Variants in CSMD2 observed in about 807,000 individuals in gnomAD.
CSMD2 encodes the protein CUB and Sushi multiple domains 2.
Under a neutral mutation model 398.5 loss-of-function variants are expected in CSMD2, and 130 were observed. That is an observed-to-expected ratio of 0.33 (90% CI 0.28 to 0.38). CSMD2 has a LOEUF of 0.38. Among genes scored for constraint, CSMD2 ranks in the 10% least tolerant of loss-of-function variants. CSMD2 has a pLI of 1.00. For synonymous variants in CSMD2, 1,828 were observed against 1,908.5 expected (o/e 0.96, Z 1.10); for missense variants, 3,829 against 4,764.9 (o/e 0.80, Z 5.78).
At chr1:33,746,425 T>C (rs929684204) in intron 13 of CSMD2, among the ~76,000 whole-genome samples, 1 of 152,170 alleles carries the variant, frequency 6.6e-6, no homozygotes, top group African/African-American at 2.4e-5. Context: ...CAAATAAATT[T>C]GCTGCAGAGG....
chr1:33,879,686 T>C (rs991367480), intron 5 of CSMD2, among the ~76,000 whole-genome samples: 2 of 152,216 alleles, frequency 1.3e-5, no homozygotes, highest in African/African-American at 4.8e-5. Context: ...ATCATGAGCA[T>C]TGGTTTTAGA....
intron 3 of CSMD2, among the ~76,000 whole-genome samples, chr1:33,948,312 C>T (rs992202803): frequency 1.3e-5 from 2 of 152,184 alleles, no homozygotes; most frequent in African/African-American, 2.4e-5. Flanking sequence ...CTACCCTCTG[C>T]CTTCTGCCCT....
chr1:34,008,434 T>C (rs759798896), intron 3 of CSMD2, among the ~76,000 whole-genome samples: 12 of 152,186 alleles, frequency 7.9e-5, no homozygotes, highest in Non-Finnish European at 1.5e-4. Context: ...CAAAGTACTG[T>C]GGATGGGCAG....
At chr1:33,539,988 C>T (rs1375817957) in intron 60 of CSMD2, among the ~76,000 whole-genome samples, 1 of 152,120 alleles carries the variant, frequency 6.6e-6, no homozygotes, top group Non-Finnish European at 1.5e-5. Context: ...ATGGAGAAAA[C>T]CTTCCAGAGC....
chr1:34,046,815 G>A (rs1452287992), intron 2 of CSMD2, among the ~76,000 whole-genome samples: 1 of 152,100 alleles, frequency 6.6e-6, no homozygotes, highest in African/African-American at 2.4e-5. Context: ...TGCCTAAGAC[G>A]TGGACTCACT....
At chr1:33,567,487 A>C in intron 53 of CSMD2, 106 bp downstream of exon 53, 4 of 687,146 alleles carry the variant, frequency 5.8e-6, no homozygotes, top group East Asian at 3.4e-5. Context: ...TCATATATAT[A>C]TATATATATT....
chr1:33,616,101 C>G (rs1641366092), intron 39 of CSMD2, among the ~76,000 whole-genome samples: 1 of 152,192 alleles, frequency 6.6e-6, no homozygotes, highest in African/African-American at 2.4e-5. Flanking sequence ...CCTAACTGGA[C>G]CAGAAGCTTC....
At chr1:33,767,528 AG>A (rs1229092768) in intron 13 of CSMD2, among the ~76,000 whole-genome samples, 3 of 152,194 alleles carry the variant, frequency 2.0e-5, no homozygotes, top group Admixed American at 2.0e-4. Context: ...TCATCCCCAA[AG>A]GCCCTTCAGT....
intron 44 of CSMD2, among the ~76,000 whole-genome samples, chr1:33,594,292 T>A (rs952368713): frequency 3.3e-5 from 5 of 152,220 alleles, no homozygotes; most frequent in African/African-American, 1.2e-4. Context: ...CTTGAATCCC[T>A]GCAAATAACA....
At chr1:33,760,488 C>A (rs1293700190) in intron 13 of CSMD2, among the ~76,000 whole-genome samples, 1 of 152,186 alleles carries the variant, frequency 6.6e-6, no homozygotes, top group African/African-American at 2.4e-5. Flanking sequence ...ATATACGTAG[C>A]CAGACCAAGC....
At chr1:33,805,918 A>T (rs1371708848) in intron 10 of CSMD2, among the ~76,000 whole-genome samples, 2 of 152,040 alleles carry the variant, frequency 1.3e-5, no homozygotes, top group Admixed American at 6.6e-5. Flanking sequence ...CAGTAGCCTG[A>T]GTAGACTACA....
At chr1:33,627,733 T>C (rs1375555220) in intron 32 of CSMD2, among the ~76,000 whole-genome samples, 2 of 152,204 alleles carry the variant, frequency 1.3e-5, no homozygotes, top group Non-Finnish European at 1.5e-5. Context: ...CCAGCTAACA[T>C]GTAGCTGCCA....
At chr1:33,584,917 T>C (rs1638975034) in intron 46 of CSMD2, among the ~76,000 whole-genome samples, 1 of 152,068 alleles carries the variant, frequency 6.6e-6, no homozygotes, top group African/African-American at 2.4e-5. Flanking sequence ...GATTCGTTAT[T>C]TCGTCATCAC....
intron 5 of CSMD2, among the ~76,000 whole-genome samples, chr1:33,861,755 T>C (rs867433983): frequency 6.6e-6 from 1 of 152,060 alleles, no homozygotes; most frequent in Non-Finnish European, 1.5e-5. Context: ...AAGTAGAGTT[T>C]TACCACCCTA....
At position 33,747,801 on chromosome 1, in the gene CSMD2, A is replaced by T. The variant is rs964329456; in HGVS notation, c.1847-4195T>A. 3.3e-5 allele frequency among the ~76,000 whole-genome samples: 5 copies of T among 152,338 alleles called. No individual in the cohort carries two copies. In the South Asian group the frequency reaches 8.3e-4, roughly 25 times the overall value. Reference sequence around the variant, plus strand: ...TAGAAGAGTGCTGTAATTTATCAATATAAGTCTCAAATATTCCTATTTAAT... The same window carrying T: ...TAGAAGAGTGCTGTAATTTATCAATTTAAGTCTCAAATATTCCTATTTAAT... On this transcript the variant is annotated intron_variant, in intron 13 of 70. Coordinates refer to ENST00000373381, the MANE Select transcript of CSMD2 (RefSeq NM_001281956.2).
rs748886122 is a variant in CSMD2, at chr1:33,743,408, G to C, written c.2045C>G (p.Ala682Gly). ...LVIKDGATAE[A>G]PVLGTFSGNQ... ...TCCTGAGAAGGTGCCCAGGACGGGC[G>C]CCTCGGCGGTGGCCCCATCCTTGAT... The change falls in exon 14 of 71, where the codon GCG becomes GGG. Residue 682 changes from alanine (A) to glycine (G), a missense_variant. Physicochemically the swap from Ala to Gly is moderately conservative, Grantham distance 60. Around this residue, in one of 5 missense-constraint regions of CSMD2, gnomAD observed 2,001 missense variants for 2,567.1 expected, o/e 0.78. Transcript: ENST00000373381. 1.9e-6 allele frequency: 3 copies of C among 1,614,170 alleles called. No homozygotes were observed. Among genetic ancestry groups the C allele is most frequent in the South Asian group, 2.2e-5 (2 of 91,078 alleles).
chr1:34,035,110 A>G (rs1650950443), intron 2 of CSMD2, among the ~76,000 whole-genome samples: 3 of 152,210 alleles, frequency 2.0e-5, no homozygotes, highest in Admixed American at 6.5e-5. Flanking sequence ...CATTTCACAC[A>G]TTAAATGAAA....
At chr1:33,895,594 G>A (rs74069756) in intron 5 of CSMD2, among the ~76,000 whole-genome samples, 2,703 of 152,270 alleles carry the variant, frequency 0.018, 71 homozygotes, top group African/African-American at 0.061. Context: ...CGCGGCTTGA[G>A]GCATTCATGC....
At chr1:33,961,180 G>T (rs1645346274) in intron 3 of CSMD2, among the ~76,000 whole-genome samples, 2 of 152,198 alleles carry the variant, frequency 1.3e-5, no homozygotes, top group African/African-American at 2.4e-5. Flanking sequence ...TCTCACCATT[G>T]CCCCAGAGCC....
Sources: allele counts gnomAD v4.1 joint callset (sites outside exome capture counted in the v4.1 genomes callset), GRCh38; gene constraint gnomAD v4.1.1; regional missense constraint gnomAD v4.1.1; transcripts MANE v1.5; gene names NCBI Gene and HGNC (gene_info 2026-07-23, HGNC 2026-07-21).